WDFY3: variants seen among roughly 807,000 people sequenced by gnomAD.
WDFY3 encodes WD repeat and FYVE domain containing 3, also known as WD repeat and FYVE domain-containing protein 3.
A neutral mutation model predicts 409.6 loss-of-function variants in WDFY3; 66 were observed. The ratio of observed to expected loss-of-function variants is 0.16; its 90% CI spans 0.13 to 0.20. The LOEUF (loss-of-function observed/expected upper bound fraction) is 0.20. WDFY3 is among the 10% of genes least tolerant of loss of function. WDFY3 has a pLI of 1.00. For missense variants in WDFY3, 3,031 were observed against 4,298.1 expected, an observed-to-expected ratio of 0.71 and a Z score of 8.24; for synonymous variants, 1,521 against 1,537.1, an observed-to-expected ratio of 0.99 and a Z score of 0.25.
chr4:84,706,415 G>A (rs966976284), intron 53 of WDFY3, among the ~76,000 whole-genome samples: 2 of 152,116 alleles, frequency 1.3e-5, no homozygotes, highest in Non-Finnish European at 2.9e-5. Flanking sequence ...AGTACCAGGT[G>A]TCATCCTATG....
At chr4:84,709,490 G>A in intron 51 of WDFY3, 143 bp from the exon 52 acceptor site, 1 of 642,720 alleles carries the variant, frequency 1.6e-6, no homozygotes, top group African/African-American at 1.9e-5. Flanking sequence ...AATCAGTTTA[G>A]TGGGTTGTGA....
chr4:84,729,166 G>C (rs1195072320), intron 44 of WDFY3, among the ~76,000 whole-genome samples: 1 of 152,004 alleles, frequency 6.6e-6, no homozygotes, highest in African/African-American at 2.4e-5. Context: ...AAATGTGTTT[G>C]AGATTATTAT....
At chr4:84,853,813 T>G (rs1031165125) in intron 4 of WDFY3, among the ~76,000 whole-genome samples, 1 of 152,196 alleles carries the variant, frequency 6.6e-6, no homozygotes, top group Admixed American at 6.5e-5. Context: ...AAAAAGACTA[T>G]GTCATATTTG....
chr4:84,904,907 G>C (rs546443229), intron 2 of WDFY3, among the ~76,000 whole-genome samples: 2 of 152,360 alleles, frequency 1.3e-5, no homozygotes, highest in African/African-American at 4.8e-5. Flanking sequence ...GGGAGGCCAA[G>C]GCAGGCGGAT....
chr4:84,899,033 G>C lies in WDFY3; in HGVS notation c.-131-2023C>G, dbSNP rs562286192. Among the ~76,000 whole-genome samples the C allele has an allele frequency of 1.8e-4, 28 of 152,280 alleles. 2 individuals carry two copies. In the South Asian group the frequency reaches 5.8e-3, roughly 32 times the overall value. On this transcript the variant is annotated intron_variant, in intron 2 of 67. Coordinates refer to ENST00000295888, the MANE Select transcript of WDFY3 (RefSeq NM_014991.6). Reference sequence around the variant, plus strand: ...GTCTTCTAAAGAGACATCATGGTGTGATGAGTATAGAGTATATCCAGCTAT... The same window carrying C: ...GTCTTCTAAAGAGACATCATGGTGTCATGAGTATAGAGTATATCCAGCTAT...
At chr4:84,889,534 T>C (rs1764662214) in intron 3 of WDFY3, among the ~76,000 whole-genome samples, 1 of 152,132 alleles carries the variant, frequency 6.6e-6, no homozygotes, top group Non-Finnish European at 1.5e-5. Context: ...AAATGCTGCA[T>C]TACAGGGACA....
At chr4:84,960,112 T>A (rs917413989) in intron 1 of WDFY3, among the ~76,000 whole-genome samples, 6 of 152,204 alleles carry the variant, frequency 3.9e-5, no homozygotes, top group African/African-American at 1.4e-4. Flanking sequence ...TAATTTCAAC[T>A]GAGATTGGGT....
Position 84,679,155 on chromosome 4 carries a change from G to C in WDFY3, c.9911C>G (p.Pro3304Arg). The change falls in exon 65 of 68, where the codon CCC (proline) becomes CGC (arginine). Residue 3304 changes from proline (P) to arginine (R), a missense_variant. Coordinates refer to ENST00000295888, the MANE Select transcript of WDFY3 (RefSeq NM_014991.6). ...SQDPKDTPSQ[P>R]SSTSHRPRAA... ...CCGGGGCCTGTGGCTGGTGCTGCTG[G>C]GTTGGCTTGGAGTGTCCTTAGGGTC... 6.2e-7 allele frequency: 1 copy of C among 1,613,760 alleles called. No individual in the cohort carries two copies. The highest frequency in any genetic ancestry group is 8.5e-7 in the Non-Finnish European group (1 of 1,179,838).
intron 30 of WDFY3, among the ~76,000 whole-genome samples, chr4:84,770,029 T>C (rs902088693): frequency 4.0e-5 from 6 of 151,758 alleles, no homozygotes; most frequent in Non-Finnish European, 8.8e-5. Flanking sequence ...AACTGAGTTA[T>C]ATACTTTTTT....
Position 84,724,715 on chromosome 4 carries a change from G to GT in WDFY3, c.7273-122dup, listed in dbSNP as rs1244487278. ...TTTTTAAAGGGGCTTTTCATAGACT[G>GT]TATGTATATACAGTAAATCCACACT... On this transcript the variant is annotated intron_variant, in intron 45 of 67. Coordinates refer to ENST00000295888, the MANE Select transcript of WDFY3 (RefSeq NM_014991.6). 9.9e-6 allele frequency: 10 copies of GT among 1,011,784 alleles called. No homozygotes were observed. In the Admixed American group the frequency reaches 2.6e-4, roughly 26 times the overall value. The allele number at this position is 1,011,784 out of a possible 1,614,324, so 62.7% of individuals were successfully genotyped here.
intron 29 of WDFY3, 43 bp downstream of exon 29, chr4:84,774,777 C>T (rs766256112): frequency 1.9e-6 from 3 of 1,559,354 alleles, no homozygotes; most frequent in African/African-American, 2.8e-5. Flanking sequence ...CTCATTGGTA[C>T]TTTTAGTTAA....
In WDFY3 at chr4:84,778,740, AAC is replaced by A. The variant is rs911518455; in HGVS notation, c.4366-87_4366-86del. On this transcript the variant is annotated intron_variant, in intron 26 of 67. Coordinates refer to ENST00000295888, the MANE Select transcript of WDFY3 (RefSeq NM_014991.6). ...ACACAAACACACACATACACACACA[AAC>A]ACACACATACACACACAAACACACA... is the stretch of plus-strand genomic sequence containing the variant. 6.7e-5 allele frequency: 91 copies of A among 1,357,810 alleles called. No individual in the cohort carries two copies. The African/African-American group carries it at 1.2e-3, about 18-fold the overall frequency. The allele number at this position is 1,357,810 out of a possible 1,614,324, so 84.1% of individuals were successfully genotyped here.
intron 27 of WDFY3, among the ~76,000 whole-genome samples, chr4:84,777,250 G>A (rs936806060): frequency 6.6e-6 from 1 of 152,020 alleles, no homozygotes; most frequent in Admixed American, 6.6e-5. Flanking sequence ...AGATGTCAAG[G>A]TTAGAGATTT....
In WDFY3 at chr4:84,753,726, G is replaced by T; in HGVS notation, c.5710C>A (p.Pro1904Thr). The part of the protein sequence containing the change: ...FLCALAATVF[P>T]FNIRPYSEMV... ...TCTGAGTAAGGGCGAATATTGAAGG[G>T]GAAGACGGTGGCTGCTAATGCACAC... Residue 1904 changes from proline (P) to threonine (T), a missense_variant, in exon 35 of 68, where the codon CCC becomes ACC. Physicochemically the swap from Pro to Thr is conservative, Grantham distance 38. Coordinates refer to ENST00000295888, the MANE Select transcript of WDFY3 (RefSeq NM_014991.6). 6.3e-7 allele frequency: 1 copy of T among 1,598,608 alleles called. No homozygotes were observed. The highest frequency in any genetic ancestry group is 2.3e-5 in the East Asian group (1 of 44,108).
intron 39 of WDFY3, among the ~76,000 whole-genome samples, chr4:84,739,697 G>C (rs776054941): frequency 3.3e-5 from 5 of 152,176 alleles, no homozygotes; most frequent in Non-Finnish European, 7.3e-5. Flanking sequence ...ACTCAATACA[G>C]CTGACTGGTC....
chr4:84,738,183 A>T (rs1357116456), intron 40 of WDFY3, among the ~76,000 whole-genome samples: 1 of 152,204 alleles, frequency 6.6e-6, no homozygotes, highest in African/African-American at 2.4e-5. Flanking sequence ...ATTTCTGGGG[A>T]GACAAACACC....
intron 19 of WDFY3, 41 bp from the exon 20 acceptor site, chr4:84,795,020 C>A: frequency 7.1e-7 from 1 of 1,414,608 alleles, no homozygotes; most frequent in Non-Finnish European, 9.4e-7. Flanking sequence ...AGATCAATGA[C>A]TCCTTCTCTT....
chr4:84,873,496 G>GA, intron 3 of WDFY3, among the ~76,000 whole-genome samples: 1 of 152,060 alleles, frequency 6.6e-6, no homozygotes, highest in East Asian at 1.9e-4. Context: ...GTTCTTTGAG[G>GA]AAAAAATTTT....
At chr4:84,745,683 G>T (rs573565081) in intron 36 of WDFY3, among the ~76,000 whole-genome samples, 1 of 152,090 alleles carries the variant, frequency 6.6e-6, no homozygotes, top group Non-Finnish European at 1.5e-5. Flanking sequence ...TAGGAGTTTG[G>T]TTTGTCATTA....
Sources: gnomAD v4.1 joint callset for allele counts (sites outside exome capture counted in the v4.1 genomes callset) on GRCh38, gnomAD v4.1.1 for gene constraint, MANE v1.5 for transcripts, NCBI Gene and HGNC (gene_info 2026-07-23, HGNC 2026-07-21) for gene names.